Variants in LYRM4 observed in about 807,000 individuals in gnomAD.
LYRM4 encodes LYR motif containing 4, also known as LYR motif-containing protein 4.
A neutral mutation model predicts 11.7 loss-of-function variants in LYRM4; 9 were observed. That is an observed-to-expected ratio of 0.77 (90% confidence interval 0.46 to 1.34). The LOEUF (loss-of-function observed/expected upper bound fraction) is 1.34, where lower values mean the gene tolerates loss of function less well. LYRM4 is among the 40% of genes most tolerant of loss of function. The pLI is 0.00. For synonymous variants in LYRM4, 42 were observed against 40.4 expected (o/e 1.04, Z -0.15); for missense variants, 133 against 112.5 (o/e 1.18, Z -0.82).
intron 2 of LYRM4, among the ~76,000 whole-genome samples, chr6:5,124,913 T>C (rs995576631): frequency 2.0e-5 from 3 of 152,240 alleles, no homozygotes; most frequent in Non-Finnish European, 2.9e-5. Context: ...GTTGTGAGTA[T>C]ACTTTGTGTG....
At position 5,157,450 on chromosome 6, in the gene LYRM4, A is replaced by G. The variant is rs147779249; in HGVS notation, c.208-47959T>C. On this transcript the variant is annotated intron_variant, in intron 2 of 2. Transcript: ENST00000330636. ...AATTAGATATTCACAACCAGTGAAC[A>G]TTATGAAATGTTCTTTGCATGAGCC... is the stretch of plus-strand genomic sequence containing the variant. 4.3e-3 allele frequency among the ~76,000 whole-genome samples: 661 copies of G among 152,252 alleles called. 2 individuals carry two copies. The highest frequency in any genetic ancestry group is 6.9e-3 in the Non-Finnish European group (471 of 68,014).
At chr6:5,057,234 A>G in the LYRM4 span, among the ~76,000 whole-genome samples, 2 of 152,238 alleles carry the variant, frequency 1.3e-5, no homozygotes, top group East Asian at 3.9e-4. Context: ...CACGAGCCAC[A>G]CCCTGAGGTC....
At chr6:5,169,735 CT>C (rs1238218891) in intron 2 of LYRM4, among the ~76,000 whole-genome samples, 3 of 152,198 alleles carry the variant, frequency 2.0e-5, no homozygotes, top group African/African-American at 7.2e-5. Flanking sequence ...GACTTATTCG[CT>C]TGCCTATTTA....
At chr6:5,106,812 C>T (rs1762677179), downstream of LYRM4, 2 of 152,266 alleles carry the variant, frequency 1.3e-5, no homozygotes, top group African/African-American at 4.8e-5. Context: ...TCTCCAGACC[C>T]CAGCCCGGAT....
chr6:5,221,028 T>C (rs1197369324), intron 1 of LYRM4, among the ~76,000 whole-genome samples: 8 of 152,136 alleles, frequency 5.3e-5, no homozygotes, highest in Non-Finnish European at 1.5e-5. Flanking sequence ...GGTGTCACTA[T>C]GCTGCCCAGG....
the LYRM4 span, among the ~76,000 whole-genome samples, chr6:5,050,527 CT>C: frequency 6.6e-6 from 1 of 152,042 alleles, no homozygotes; most frequent in Non-Finnish European, 1.5e-5. Flanking sequence ...GGAGCCTGCT[CT>C]TTTTTTTCTT....
chr6:5,154,863 A>C lies in LYRM4; in HGVS notation c.208-45372T>G, dbSNP rs1248377054. 3.3e-5 allele frequency among the ~76,000 whole-genome samples: 5 copies of C among 152,334 alleles called. No individual in the cohort carries two copies. The East Asian group carries it at 9.6e-4, about 29-fold the overall frequency. On this transcript the variant is annotated intron_variant, in intron 2 of 2. Coordinates refer to ENST00000330636, the MANE Select transcript of LYRM4 (RefSeq NM_020408.6). Reference sequence around the variant, plus strand: ...AAAAATAAAAAAGAAAGGCGGATTCACAAAGGTGCAGTAACTTCACCCAAA... The same window carrying C: ...AAAAATAAAAAAGAAAGGCGGATTCCCAAAGGTGCAGTAACTTCACCCAAA...
At chr6:5,246,484 C>G (rs1366024847) in intron 1 of LYRM4, among the ~76,000 whole-genome samples, 1 of 152,142 alleles carries the variant, frequency 6.6e-6, no homozygotes, top group Non-Finnish European at 1.5e-5. Flanking sequence ...CCCCAACTAC[C>G]ACATTTATCC....
intron 2 of LYRM4, among the ~76,000 whole-genome samples, chr6:5,153,885 G>T (rs958662138): frequency 6.6e-6 from 1 of 152,252 alleles, no homozygotes; most frequent in Middle Eastern, 3.4e-3. Flanking sequence ...TCCCTTAGAA[G>T]TTGAACATCC....
In LYRM4 at chr6:5,260,721, T is replaced by C. The variant is rs553422569; in HGVS notation, c.13A>G (p.Ser5Gly). MAAS[S>G]RAQVLSLYRA... The stretch of plus-strand genomic sequence containing the variant: ...TACAGAGATAACACTTGTGCGCGAC[T>C]GGAGGCTGCCATTTTGGAAAGAAAA... The change falls in exon 1 of 3, where the codon AGT (serine) becomes GGT (glycine). Residue 5 changes from serine (S) to glycine (G), a missense_variant. Ser to Gly is a moderately conservative substitution (Grantham distance 56, BLOSUM62 0). Coordinates refer to ENST00000330636, the MANE Select transcript of LYRM4 (RefSeq NM_020408.6). The C allele has an allele frequency of 2.1e-5, 32 of 1,549,390 alleles. No homozygotes were observed. Among genetic ancestry groups the C allele is most frequent in the African/African-American group, 1.8e-4 (13 of 73,120 alleles).
intron 1 of LYRM4, among the ~76,000 whole-genome samples, chr6:5,230,183 G>A (rs1354374626): frequency 6.6e-6 from 1 of 152,180 alleles, no homozygotes. Flanking sequence ...TGAAGGCTGA[G>A]AACTGGTGGC....
At chr6:5,159,886 T>A (rs1378583550) in intron 2 of LYRM4, among the ~76,000 whole-genome samples, 1 of 152,240 alleles carries the variant, frequency 6.6e-6, no homozygotes, top group Non-Finnish European at 1.5e-5. Context: ...CTTTATTTTC[T>A]CACATCCTCA....
chr6:5,207,073 A>G (rs544937660), intron 2 of LYRM4, among the ~76,000 whole-genome samples: 1 of 152,332 alleles, frequency 6.6e-6, no homozygotes, highest in East Asian at 1.9e-4. Flanking sequence ...AAGGATAGAC[A>G]GCTACTGAGT....
intron 2 of LYRM4, among the ~76,000 whole-genome samples, chr6:5,169,490 T>C (rs757574331): frequency 2.1e-4 from 32 of 152,166 alleles, no homozygotes; most frequent in Admixed American, 6.5e-4. Context: ...ACTGAGCAGA[T>C]AACTATACAA....
At chr6:5,191,279 A>G (rs1446556707) in intron 2 of LYRM4, among the ~76,000 whole-genome samples, 1 of 152,210 alleles carries the variant, frequency 6.6e-6, no homozygotes, top group East Asian at 1.9e-4. Flanking sequence ...AAAAGACTAG[A>G]AACAGAACAT....
intron 2 of LYRM4, among the ~76,000 whole-genome samples, chr6:5,120,159 T>C (rs931464070): frequency 6.6e-6 from 1 of 152,108 alleles, no homozygotes; most frequent in African/African-American, 2.4e-5. Flanking sequence ...CCTCCCAAAG[T>C]GCTAGGATTA....
chr6:5,257,490 A>T (rs1343226833), intron 1 of LYRM4, among the ~76,000 whole-genome samples: 1 of 152,112 alleles, frequency 6.6e-6, no homozygotes, highest in Non-Finnish European at 1.5e-5. Context: ...TAGTTCAAAA[A>T]TCTCATCTTT....
chr6:5,149,077 A>G (rs1385919838), intron 2 of LYRM4, among the ~76,000 whole-genome samples: 1 of 152,212 alleles, frequency 6.6e-6, no homozygotes, highest in African/African-American at 2.4e-5. Context: ...AAATGATTGG[A>G]TGAGTAATAT....
intron 2 of LYRM4, among the ~76,000 whole-genome samples, chr6:5,115,104 ATT>A (rs1763059613): frequency 6.6e-6 from 1 of 152,234 alleles, no homozygotes; most frequent in African/African-American, 2.4e-5. Context: ...ATCACAATCT[ATT>A]TAATCACTCC....
Sources: allele counts gnomAD v4.1 joint callset (sites outside exome capture counted in the v4.1 genomes callset), GRCh38; gene constraint gnomAD v4.1.1; transcripts MANE v1.5; gene names NCBI Gene and HGNC (gene_info 2026-07-23, HGNC 2026-07-21).